The following ZNF562 variants were observed in gnomAD, a reference collection of about 807,000 sequenced individuals.
ZNF562 encodes zinc finger protein 562.
In ZNF562, 13 loss-of-function variants were observed where a neutral mutation model predicts 17.5. The ratio of observed to expected loss-of-function variants is 0.74; its 90% CI spans 0.48 to 1.18. The LOEUF is 1.18. Ranked by LOEUF, ZNF562 falls within the 50% of genes most tolerant of loss-of-function variation. The pLI is 0.00. For synonymous variants in ZNF562, 163 were observed against 165.4 expected (o/e 0.99, Z 0.11); for missense variants, 481 against 498.5 (o/e 0.96, Z 0.33).
At chr19:9,669,690 C>T (rs1211522255) in intron 1 of ZNF562, among the ~76,000 whole-genome samples, 1 of 149,376 alleles carries the variant, frequency 6.7e-6, no homozygotes, top group Non-Finnish European at 1.5e-5. Flanking sequence ...CTGAAACTGG[C>T]AAGACCTGTC....
At chr19:9,663,814 C>G (rs1392134544) in intron 1 of ZNF562, among the ~76,000 whole-genome samples, 2 of 151,692 alleles carry the variant, frequency 1.3e-5, no homozygotes, top group African/African-American at 2.4e-5. Flanking sequence ...GTAGCTGGGA[C>G]TACAGGACTC....
Position 9,653,814 on chromosome 19 carries a change from C to T in ZNF562, c.416G>A (p.Cys139Tyr), listed in dbSNP as rs1292855143. The T allele has an allele frequency of 6.2e-7, 1 of 1,612,514 alleles. No homozygotes were observed. The highest frequency in any genetic ancestry group is 8.5e-7 in the Non-Finnish European group (1 of 1,179,344). ...CTGAGCTCTCATGTGTGTCTTAAGG[C>T]AAAACTGTTCACTGAAGACCTCTCC... is the stretch of plus-strand genomic sequence containing the variant. ...NCGEVFSEQF[C>Y]LKTHMRAQNG... The change falls in exon 6 of 6, where the codon TGC (cysteine) becomes TAC (tyrosine). Residue 139 changes from cysteine (C) to tyrosine (Y), a missense_variant. This residue lies in a region of ZNF562 where 403 missense variants were observed against 386.4 expected (regional missense o/e 1.04). Transcript: ENST00000453372.
intron 5 of ZNF562, among the ~76,000 whole-genome samples, chr19:9,654,807 C>A (rs1458674895): frequency 6.6e-6 from 1 of 152,036 alleles, no homozygotes; most frequent in Non-Finnish European, 1.5e-5. Context: ...TCAAACTCTA[C>A]AAGAAACCCC....
chr19:9,660,466 A>G (rs2043693492), intron 2 of ZNF562, among the ~76,000 whole-genome samples: 1 of 151,842 alleles, frequency 6.6e-6, no homozygotes, highest in Non-Finnish European at 1.5e-5. Context: ...TCTCCACTAA[A>G]AATACAAAAT....
chr19:9,664,824 G>A (rs772949996), intron 1 of ZNF562, among the ~76,000 whole-genome samples: 12 of 152,042 alleles, frequency 7.9e-5, no homozygotes, highest in South Asian at 6.2e-4. Context: ...CAGCCTGGGC[G>A]ACAGAGTGAG....
chr19:9,653,690 T>C lies in ZNF562; in HGVS notation c.540A>G (p.Pro180=), dbSNP rs1188075623. The change falls in exon 6 of 6, where the codon CCA becomes CCG. Residue 180 remains proline (P), a synonymous_variant. Coordinates refer to ENST00000453372, the MANE Select transcript of ZNF562 (RefSeq NM_001130031.2). ...SIGQELSKFN[P]CGKVFTLTPG... The stretch of plus-strand genomic sequence containing the variant: ...GAGTTAAGGTGAAGACTTTTCCACA[T>C]GGATTAAATTTGGAAAGTTCTTGTC... The C allele has an allele frequency of 6.2e-7, 1 of 1,614,086 alleles. No individual in the cohort carries two copies. Among genetic ancestry groups the C allele is most frequent in the South Asian group, 1.1e-5 (1 of 91,082 alleles).
In ZNF562 at chr19:9,659,406, T is replaced by C. The variant is rs760596421; in HGVS notation, c.87A>G (p.Val29=). 16 of 1,551,358 alleles carry C rather than the reference T, an allele frequency of 1.0e-5. 1 individual carries two copies. The highest frequency in any genetic ancestry group is 3.3e-4 in the Middle Eastern group (2 of 6,012). The change falls in exon 3 of 6, where the codon GTA becomes GTG. Residue 29 remains valine, a synonymous_variant. Coordinates refer to ENST00000453372, the MANE Select transcript of ZNF562 (RefSeq NM_001130031.2). ...FEEKTKIGTM[V]EDHRSNSYQD... is the part of the protein sequence containing the mutation. ...GGTAAGAATTTGACCGGTGGTCCTCTACCATCGTTCCTATCTTTGTCTTTT... is the reference window on the plus strand; with the variant it reads ...GGTAAGAATTTGACCGGTGGTCCTCCACCATCGTTCCTATCTTTGTCTTTT...
At chr19:9,663,178 G>A (rs2043820497) in intron 1 of ZNF562, among the ~76,000 whole-genome samples, 1 of 150,690 alleles carries the variant, frequency 6.6e-6, no homozygotes, top group South Asian at 2.1e-4. Context: ...GGCCGAGGCG[G>A]GTGGGTCACG....
chr19:9,663,664 T>G (rs1456313567), intron 1 of ZNF562, among the ~76,000 whole-genome samples: 1 of 151,860 alleles, frequency 6.6e-6, no homozygotes, highest in Non-Finnish European at 1.5e-5. Flanking sequence ...CTGTAGCTAT[T>G]GTTCTTTTTT....
At chr19:9,656,763 G>T in intron 4 of ZNF562, 110 bp from the exon 5 acceptor site, 1 of 1,078,488 alleles carries the variant, frequency 9.3e-7, no homozygotes, top group Non-Finnish European at 1.4e-6. Flanking sequence ...GGTGACTCAG[G>T]CCCGTAATCC....
intron 1 of ZNF562, among the ~76,000 whole-genome samples, chr19:9,670,073 G>A (rs1275233283): frequency 6.6e-6 from 1 of 151,652 alleles, no homozygotes; most frequent in Non-Finnish European, 1.5e-5. Flanking sequence ...AAAAATCAAA[G>A]AAACAAACAA....
At chr19:9,663,607 C>A (rs1301982507) in intron 1 of ZNF562, among the ~76,000 whole-genome samples, 2 of 151,850 alleles carry the variant, frequency 1.3e-5, no homozygotes. Flanking sequence ...GAGACGGAGT[C>A]TTGCTCTTAT....
chr19:9,662,301 C>T (rs11672807), intron 1 of ZNF562, among the ~76,000 whole-genome samples: 14,040 of 152,134 alleles, frequency 0.092, 865 homozygotes, highest in Non-Finnish European at 0.14. Context: ...TGGCCAGGCG[C>T]GGTGGCTCAC....
Position 9,653,444 on chromosome 19 carries a change from A to C in ZNF562, c.786T>G (p.Thr262=), listed in dbSNP as rs781194012. ...AVHTGKKSEK[T]KNCGKSFTNF... is the part of the protein sequence containing the mutation. ...TAGTGAAGGATTTCCCACAGTTCTT[A>C]GTCTTTTCGGATTTCTTTCCAGTAT... Residue 262 remains threonine, a synonymous_variant, in exon 6 of 6, where the codon ACT becomes ACG. Transcript: ENST00000453372. 6 of 1,614,180 alleles carry C rather than the reference A, an allele frequency of 3.7e-6. No homozygotes were observed. Among genetic ancestry groups the C allele is most frequent in the Non-Finnish European group, 5.1e-6 (6 of 1,180,032 alleles).
intron 1 of ZNF562, among the ~76,000 whole-genome samples, chr19:9,667,646 G>A (rs2043999259): frequency 6.6e-6 from 1 of 152,172 alleles, no homozygotes; most frequent in South Asian, 2.1e-4. Context: ...AGGCTAGAAT[G>A]CAGTGGTGAT....
In ZNF562 at chr19:9,642,243, T is replaced by C. The variant is rs1407211652; in HGVS notation, c.*10706A>G. Reference sequence around the variant, plus strand: ...TGACCATGGTATGGCCAGCTCAGAGTACCTTACAGTTCTGATGTTTAAAAT... The same window carrying C: ...TGACCATGGTATGGCCAGCTCAGAGCACCTTACAGTTCTGATGTTTAAAAT... On this transcript the variant is annotated 3_prime_UTR_variant, in exon 6 of 6. Transcript: ENST00000453372. The C allele has an allele frequency of 1.3e-5, 2 of 150,116 alleles. No homozygotes were observed. Among genetic ancestry groups the C allele is most frequent in the African/African-American group, 4.9e-5 (2 of 40,632 alleles). The allele number at this position is 150,116 out of a possible 1,614,324, so 9.3% of individuals were successfully genotyped here. A position where few individuals can be genotyped will look rare whatever the true frequency, so the allele number is the denominator to read the frequency against.
intron 1 of ZNF562, among the ~76,000 whole-genome samples, chr19:9,670,154 A>C (rs2044130901): frequency 6.6e-6 from 1 of 152,040 alleles, no homozygotes; most frequent in African/African-American, 2.4e-5. Context: ...TGGGAGGATC[A>C]CCTGAGCCCA....
At position 9,653,117 on chromosome 19, in the gene ZNF562, G is replaced by C; in HGVS notation, c.1113C>G (p.Pro371=). Reference sequence around the variant, plus strand: ...CTTTCCCACATTCCTTACACTGATAGGGTTTCTCTCCAGTGTGATTTCGTA... The same window carrying C: ...CTTTCCCACATTCCTTACACTGATACGGTTTCTCTCCAGTGTGATTTCGTA... The part of the protein sequence containing the change: ...IHIRNHTGEK[P]YQCKECGKAF... Residue 371 remains proline (P), a synonymous_variant, in exon 6 of 6, where the codon CCC becomes CCG. Coordinates refer to ENST00000453372, the MANE Select transcript of ZNF562 (RefSeq NM_001130031.2). The C allele has an allele frequency of 6.2e-7, 1 of 1,611,194 alleles. No homozygotes were observed.
Position 9,659,929 on chromosome 19 carries a change from TAAAAAAAAAAAAAAAAAAAAAAAAAA to T in ZNF562, c.26-488_26-463del, listed in dbSNP as rs763657709. Among the ~76,000 whole-genome samples the T allele has an allele frequency of 4.8e-3, 180 of 37,360 alleles. 2 individuals carry two copies. Among genetic ancestry groups the T allele is most frequent in the Middle Eastern group, 0.025 (1 of 40 alleles). The allele number at this position is 37,360 out of a possible 152,430, so 24.5% of individuals were successfully genotyped here. On this transcript the variant is annotated intron_variant, in intron 2 of 5. Coordinates refer to ENST00000453372, the MANE Select transcript of ZNF562 (RefSeq NM_001130031.2). ...CAACATGGCAAAACCCCGTCTCTAC[TAAAAAAAAAAAAAAAAAAAAAAAAAA>T]AAAAAAAAAAAAAAAAAAAAAAACT... is the stretch of plus-strand genomic sequence containing the variant.
Sources: gnomAD v4.1 joint callset for allele counts (sites outside exome capture counted in the v4.1 genomes callset) on GRCh38, gnomAD v4.1.1 for gene constraint, gnomAD v4.1.1 regional missense constraint, MANE v1.5 for transcripts, NCBI Gene and HGNC (gene_info 2026-07-23, HGNC 2026-07-21) for gene names.